SPATA32: variants seen among roughly 807,000 people sequenced by gnomAD.
SPATA32 encodes spermatogenesis associated 32, also known as spermatogenesis-associated protein 32.
SPATA32 carries 28 observed loss-of-function variants against 35.4 expected under a neutral mutation model. The observed-to-expected ratio is 0.79, with a 90% CI of 0.59 to 1.09. The LOEUF is 1.09. SPATA32 is among the 50% of genes least tolerant of loss of function. The pLI, the probability that SPATA32 is intolerant of heterozygous loss-of-function variation, is 0.00. For synonymous variants in SPATA32, 168 were observed against 196.3 expected (o/e 0.86, Z 1.20); for missense variants, 409 against 475.9 (o/e 0.86, Z 1.31).
chr17:45,255,242 C>A lies in SPATA32; in HGVS notation c.940G>T (p.Asp314Tyr), dbSNP rs1200834490. The part of the protein sequence containing the change: ...RAPLKSWSQE[D>Y]KNFAQSYFDF... ...AAGTAAGATTGAGCGAAGTTCTTGTCTTCCTGACTCCAAGATTTCAGTGGT... is the reference window on the plus strand; with the variant it reads ...AAGTAAGATTGAGCGAAGTTCTTGTATTCCTGACTCCAAGATTTCAGTGGT... The change falls in exon 4 of 5, where the codon GAC becomes TAC. Residue 314 changes from aspartate (D) to tyrosine (Y), a missense_variant. Coordinates refer to ENST00000331780, the MANE Select transcript of SPATA32 (RefSeq NM_152343.3). The surrounding 1 kb of genome is among the most constrained non-coding windows in gnomAD (Gnocchi z 5.4). The A allele has an allele frequency of 6.2e-7, 1 of 1,614,248 alleles. No individual in the cohort carries two copies. The highest frequency in any genetic ancestry group is 1.1e-5 in the South Asian group (1 of 91,090).
At chr17:45,261,033 C>T (rs927808852) in intron 1 of SPATA32, 1 of 152,170 alleles carries the variant, frequency 6.6e-6, no homozygotes. Flanking sequence ...CTCTCCATGA[C>T]AGACCTGGCT....
intron 1 of SPATA32, 52 bp from the exon 2 acceptor site, chr17:45,257,259 C>T (rs1206445175): frequency 6.4e-7 from 1 of 1,567,096 alleles, no homozygotes; most frequent in African/African-American, 1.4e-5. Flanking sequence ...GAGGACAGTC[C>T]CAGAGGGATT....
At chr17:45,257,489 G>GA (rs2043969264) in intron 1 of SPATA32, among the ~76,000 whole-genome samples, 1 of 152,050 alleles carries the variant, frequency 6.6e-6, no homozygotes, top group East Asian at 1.9e-4. Flanking sequence ...GAACATGACA[G>GA]AGCGCTTCCA....
rs1328437269 is a variant in SPATA32, at chr17:45,254,445, G to A, written c.1136C>T (p.Pro379Leu). 1.2e-6 allele frequency: 2 copies of A among 1,614,082 alleles called. No homozygotes were observed. The highest frequency in any genetic ancestry group is 1.7e-6 in the Non-Finnish European group (2 of 1,180,040). The change falls in exon 5 of 5, where the codon CCC (proline) becomes CTC (leucine). Residue 379 changes from proline (P) to leucine (L), a missense_variant. By Grantham distance (98) the Pro-to-Leu change is moderately conservative. Transcript: ENST00000331780. The stretch of plus-strand genomic sequence containing the variant: ...GTCTAGTCATTTCTCTGGGATTGTG[G>A]GGGCTGACAGCTTAAAATGGATTTT... Reference protein sequence around the residue: ...LVKIHFKLSAPTIPEK With the variant: ...LVKIHFKLSALTIPEK
chr17:45,259,259 A>G (rs767677248), intron 1 of SPATA32, among the ~76,000 whole-genome samples: 9 of 152,140 alleles, frequency 5.9e-5, no homozygotes, highest in Non-Finnish European at 8.8e-5. Flanking sequence ...ATTAAGGATG[A>G]TGCTAGCTGT....
Position 45,255,516 on chromosome 17 carries a change from C to T in SPATA32, c.666G>A (p.Gln222=). 1.2e-6 allele frequency: 2 copies of T among 1,614,074 alleles called. No individual in the cohort carries two copies. Among genetic ancestry groups the T allele is most frequent in the Non-Finnish European group, 1.7e-6 (2 of 1,179,990 alleles). Residue 222 remains glutamine (Q), a synonymous_variant, in exon 4 of 5, where the codon CAG becomes CAA. Coordinates refer to ENST00000331780, the MANE Select transcript of SPATA32 (RefSeq NM_152343.3). The surrounding 1 kb of genome is among the most constrained non-coding windows in gnomAD (Gnocchi z 5.4). ...AHSAPPTTSS[Q]APSPLLSSDL... The stretch of plus-strand genomic sequence containing the variant: ...CTGAGGACAGGAGGGGGCTTGGTGC[C>T]TGGGAGCTTGTGGTTGGAGGAGCTG...
In SPATA32 at chr17:45,256,462, C is replaced by T; in HGVS notation, c.69-47G>A. 6.4e-7 allele frequency: 1 copy of T among 1,566,900 alleles called. No individual in the cohort carries two copies. Among genetic ancestry groups the T allele is most frequent in the Non-Finnish European group, 8.8e-7 (1 of 1,136,854 alleles). ...TGGGTGATGGGGATCTGTGGGGCTTCAGCGGGAAGGGGGTTTCTGGGGCCC... is the reference window on the plus strand; with the variant it reads ...TGGGTGATGGGGATCTGTGGGGCTTTAGCGGGAAGGGGGTTTCTGGGGCCC... On this transcript the variant is annotated intron_variant, in intron 2 of 4. Coordinates refer to ENST00000331780, the MANE Select transcript of SPATA32 (RefSeq NM_152343.3). The surrounding 1 kb of genome is among the most constrained non-coding windows in gnomAD (Gnocchi z 4.7).
chr17:45,256,602 G>A lies in SPATA32; in HGVS notation c.69-187C>T, dbSNP rs535627691. Among the ~76,000 whole-genome samples, 11 of 152,142 alleles carry A rather than the reference G, an allele frequency of 7.2e-5. No individual in the cohort carries two copies. Among genetic ancestry groups the A allele is most frequent in the Non-Finnish European group, 1.2e-4 (8 of 68,022 alleles). On this transcript the variant is annotated intron_variant, in intron 2 of 4. Transcript: ENST00000331780. This position sits in a 1 kb window ranked among gnomAD's most constrained non-coding sequence, Gnocchi z 4.7. ...ACTCCACTGCCACCAGGAAGTCTGC[G>A]GTTGTATTCTGAAACTTTAGTGAGT...
intron 1 of SPATA32, chr17:45,260,806 G>A (rs2043998827): frequency 6.6e-6 from 1 of 152,204 alleles, no homozygotes; most frequent in Admixed American, 6.5e-5. Context: ...GTTACCCCCA[G>A]ACTCCATGTG....
In SPATA32 at chr17:45,256,199, C is replaced by T. The variant is rs2043955736; in HGVS notation, c.109-126G>A. 8.1e-7 allele frequency: 1 copy of T among 1,234,666 alleles called. No homozygotes were observed. Among genetic ancestry groups the T allele is most frequent in the Non-Finnish European group, 1.2e-6 (1 of 863,238 alleles). 76.5% of individuals were successfully genotyped at this position (1,234,666 alleles called of 1,614,324 possible). On this transcript the variant is annotated intron_variant, in intron 3 of 4. Transcript: ENST00000331780. This position sits in a 1 kb window ranked among gnomAD's most constrained non-coding sequence, Gnocchi z 4.7. Reference sequence around the variant, plus strand: ...CTGCTGTCTTCCCCCCGCCCCCTAACCCCATGCCTGCCTCCTCTCAGAGAC... The same window carrying T: ...CTGCTGTCTTCCCCCCGCCCCCTAATCCCATGCCTGCCTCCTCTCAGAGAC...
At chr17:45,254,993 C>T (rs2043941858) in intron 4 of SPATA32, 122 bp downstream of exon 4, 1 of 951,962 alleles carries the variant, frequency 1.1e-6, no homozygotes, top group Non-Finnish European at 1.6e-6. Flanking sequence ...GCGTCACAGC[C>T]CACCACATCC....
At position 45,254,628 on chromosome 17, in the gene SPATA32, C is replaced by T. The variant is rs1217362056; in HGVS notation, c.1068-115G>A. 1.1e-5 allele frequency: 9 copies of T among 831,942 alleles called. No individual in the cohort carries two copies. The Admixed American group carries it at 1.9e-4, about 18-fold the overall frequency. 51.5% of individuals were successfully genotyped at this position (831,942 alleles called of 1,614,324 possible). On this transcript the variant is annotated intron_variant, in intron 4 of 4. Coordinates refer to ENST00000331780, the MANE Select transcript of SPATA32 (RefSeq NM_152343.3). ...GGGGGTAAGGGGTCTTCTGCTGCTG[C>T]CCGCGTCTGGGCAGCTGAGATTACA...
Position 45,256,264 on chromosome 17 carries a change from C to A in SPATA32, c.108+112G>T, listed in dbSNP as rs1598226469. On this transcript the variant is annotated intron_variant, in intron 3 of 4. Coordinates refer to ENST00000331780, the MANE Select transcript of SPATA32 (RefSeq NM_152343.3). This position sits in a 1 kb window ranked among gnomAD's most constrained non-coding sequence, Gnocchi z 4.7. ...GGTGTGTGTGTGGGTGTACCCACAC[C>A]GGCCTGGTACTAGGGTCCCAGGATT... 5.5e-6 allele frequency: 7 copies of A among 1,267,836 alleles called. No homozygotes were observed. In the East Asian group the frequency reaches 1.2e-4, roughly 21 times the overall value. The allele number at this position is 1,267,836 out of a possible 1,614,324, so 78.5% of individuals were successfully genotyped here. A position where few individuals can be genotyped will look rare whatever the true frequency, so the allele number is the denominator to read the frequency against.
chr17:45,256,062 G>A lies in SPATA32; in HGVS notation c.120C>T (p.Asp40=). The part of the protein sequence containing the change: ...QIQEEQELEA[D]MLEQKPQLQV... The stretch of plus-strand genomic sequence containing the variant: ...GGAGTTGGGGCTTCTGCTCTAGCAT[G>A]TCTGCCTCCAGCTGAAATGTTTCAA... The change falls in exon 4 of 5, where the codon GAC becomes GAT. Residue 40 remains aspartate, a synonymous_variant. Transcript: ENST00000331780. This position sits in a 1 kb window ranked among gnomAD's most constrained non-coding sequence, Gnocchi z 4.7. The A allele has an allele frequency of 1.2e-6, 2 of 1,601,292 alleles. No homozygotes were observed. Among genetic ancestry groups the A allele is most frequent in the Non-Finnish European group, 1.7e-6 (2 of 1,173,400 alleles).
At chr17:45,260,583 TCA>T (rs2043996826) in intron 1 of SPATA32, 1 of 152,154 alleles carries the variant, frequency 6.6e-6, no homozygotes, top group Non-Finnish European at 1.5e-5. Context: ...GGCTCTCCTC[TCA>T]CAGATGAGGA....
chr17:45,256,089 T>A lies in SPATA32; in HGVS notation c.109-16A>T. On this transcript the variant is annotated splice_polypyrimidine_tract_variant and intron_variant, in intron 3 of 4. Coordinates refer to ENST00000331780, the MANE Select transcript of SPATA32 (RefSeq NM_152343.3). The surrounding 1 kb of genome is among the most constrained non-coding windows in gnomAD (Gnocchi z 4.7). The stretch of plus-strand genomic sequence containing the variant: ...CTGCCTCCAGCTGAAATGTTTCAAC[T>A]CAAAGCTGAGGAGGCAGGAGCGGGA... The A allele has an allele frequency of 6.3e-7, 1 of 1,579,844 alleles. No individual in the cohort carries two copies. Among genetic ancestry groups the A allele is most frequent in the African/African-American group, 1.3e-5 (1 of 74,090 alleles).
Position 45,255,880 on chromosome 17 carries a change from T to A in SPATA32, c.302A>T (p.Glu101Val), listed in dbSNP as rs761943996. Residue 101 changes from glutamate to valine, a missense_variant, in exon 4 of 5, where the codon GAA becomes GTA. Glu to Val is a moderately radical substitution (Grantham distance 121). Coordinates refer to ENST00000331780, the MANE Select transcript of SPATA32 (RefSeq NM_152343.3). This position sits in a 1 kb window ranked among gnomAD's most constrained non-coding sequence, Gnocchi z 5.4. ...ANSNEESDFE[E>V]PMQLVCKIES... is the part of the protein sequence containing the mutation. Reference sequence around the variant, plus strand: ...TATCTTGCATACCAGCTGCATGGGTTCTTCAAAGTCAGACTCCTCGTTCGA... The same window carrying A: ...TATCTTGCATACCAGCTGCATGGGTACTTCAAAGTCAGACTCCTCGTTCGA... The A allele has an allele frequency of 1.9e-5, 30 of 1,614,052 alleles. No homozygotes were observed. The highest frequency in any genetic ancestry group is 1.6e-4 in the Middle Eastern group (1 of 6,084).
At position 45,255,944 on chromosome 17, in the gene SPATA32, C is replaced by CT; in HGVS notation, c.237dup (p.Ala80SerfsTer5). 6.2e-7 allele frequency: 1 copy of CT among 1,614,072 alleles called. No individual in the cohort carries two copies. Among genetic ancestry groups the CT allele is most frequent in the African/African-American group, 1.3e-5 (1 of 74,988 alleles). On this transcript the variant is annotated frameshift_variant, in exon 4 of 5. Coordinates refer to ENST00000331780, the MANE Select transcript of SPATA32 (RefSeq NM_152343.3). LOFTEE classifies it high-confidence loss of function. This position sits in a 1 kb window ranked among gnomAD's most constrained non-coding sequence, Gnocchi z 5.4. ...TCCAGCTCAGCTTCAAGCTTGAGGG[C>CT]TGGGTATAGCTCTGACTCCAGTAAA...
rs767814220 is a variant in SPATA32 at position 45,254,400 on chromosome 17, C to A, written c.*26G>T. The A allele has an allele frequency of 6.2e-7, 1 of 1,610,000 alleles. No homozygotes were observed. The highest frequency in any genetic ancestry group is 8.5e-7 in the Non-Finnish European group (1 of 1,176,254). On this transcript the variant is annotated 3_prime_UTR_variant, in exon 5 of 5. Transcript: ENST00000331780. ...CAAAAGTCTAAGCCGACGGCCAGCACTGGAGGCTTTATTGGTTCTGTCTAG... is the reference window on the plus strand; with the variant it reads ...CAAAAGTCTAAGCCGACGGCCAGCAATGGAGGCTTTATTGGTTCTGTCTAG...
Sources: gnomAD v4.1 joint callset for allele counts (sites outside exome capture counted in the v4.1 genomes callset) on GRCh38, gnomAD v4.1.1 for gene constraint, Gnocchi (gnomAD v3.1) non-coding constraint, MANE v1.5 for transcripts, NCBI Gene and HGNC (gene_info 2026-07-23, HGNC 2026-07-21) for gene names.